MAF: variants seen among roughly 807,000 people sequenced by gnomAD.
MAF encodes the protein transcription factor Maf.
In MAF, 10 loss-of-function variants were observed where a neutral mutation model predicts 22.0. The ratio of observed to expected loss-of-function variants is 0.45; its 90% confidence interval spans 0.28 to 0.77. The LOEUF (loss-of-function observed/expected upper bound fraction) is 0.77. Ranked by LOEUF, MAF falls within the 30% of genes least tolerant of loss-of-function variation. The probability of loss-of-function intolerance (pLI) is 0.12; values close to 1 mark genes in which losing one functional copy is unlikely to be tolerated. For synonymous variants in MAF, 337 were observed against 255.8 expected, an observed-to-expected ratio of 1.32 and a Z score of -3.03; for missense variants, 544 against 548.4, an observed-to-expected ratio of 0.99 and a Z score of 0.08.
the MAF span, among the ~76,000 whole-genome samples, chr16:79,320,700 C>T: frequency 3.3e-5 from 5 of 152,316 alleles, no homozygotes; most frequent in South Asian, 2.1e-4. Context: ...ACTTTTAACA[C>T]TTATCCCATA....
the MAF span, among the ~76,000 whole-genome samples, chr16:79,292,144 C>T: frequency 6.6e-6 from 1 of 152,116 alleles, no homozygotes. Flanking sequence ...AATCGCATCT[C>T]TAAGAAGACA....
At chr16:79,271,251 C>A in the MAF span, among the ~76,000 whole-genome samples, 1 of 152,074 alleles carries the variant, frequency 6.6e-6, no homozygotes, top group Admixed American at 6.6e-5. Context: ...CATGTTAGGG[C>A]CCTAGCTCAC....
At chr16:79,375,315 G>T in the MAF span, among the ~76,000 whole-genome samples, 1 of 152,146 alleles carries the variant, frequency 6.6e-6, no homozygotes, top group South Asian at 2.1e-4. Flanking sequence ...AAATAAGAGA[G>T]AATCCCTCCT....
the MAF span, among the ~76,000 whole-genome samples, chr16:79,264,091 A>G: frequency 3.9e-5 from 6 of 152,334 alleles, no homozygotes; most frequent in Non-Finnish European, 5.9e-5. Flanking sequence ...CAGTCCCATG[A>G]AGATTGAAAT....
the MAF span, among the ~76,000 whole-genome samples, chr16:79,260,308 A>C: frequency 6.6e-6 from 1 of 151,942 alleles, no homozygotes; most frequent in African/African-American, 2.4e-5. Flanking sequence ...GCACCACCAC[A>C]CCTGGCTAAT....
At chr16:79,411,898 A>G in the MAF span, among the ~76,000 whole-genome samples, 88 of 151,430 alleles carry the variant, frequency 5.8e-4, no homozygotes, top group Non-Finnish European at 1.1e-3. Flanking sequence ...CTTTAAAAAC[A>G]TATGTAGTAG....
At chr16:79,269,613 C>A in the MAF span, among the ~76,000 whole-genome samples, 3 of 152,106 alleles carry the variant, frequency 2.0e-5, no homozygotes, top group Non-Finnish European at 4.4e-5. Context: ...TATGGCTGAT[C>A]TGAAACTCCG....
the MAF span, among the ~76,000 whole-genome samples, chr16:79,338,164 C>G: frequency 6.6e-6 from 1 of 152,140 alleles, no homozygotes; most frequent in Non-Finnish European, 1.5e-5. Flanking sequence ...CAGTTTGCAA[C>G]AGTGAAATGC....
At chr16:79,219,467 C>T in the MAF span, among the ~76,000 whole-genome samples, 3 of 141,350 alleles carry the variant, frequency 2.1e-5, no homozygotes, top group Non-Finnish European at 3.0e-5. Context: ...AGGAGAATGG[C>T]GTGAACCCGG....
the MAF span, chr16:79,212,587 T>C: frequency 1.9e-5 from 3 of 161,456 alleles, no homozygotes; most frequent in African/African-American, 7.2e-5. Flanking sequence ...ACAGTCTCAG[T>C]TCTCTTGCTT....
At chr16:79,595,124 G>GA (rs377383083) in intron 1 of MAF, 121,921 of 796,960 alleles carry the variant, frequency 0.15, no homozygotes, top group Non-Finnish European at 0.17. Context: ...TTGTGATGAG[G>GA]AAAAAAAAAA....
the MAF span, among the ~76,000 whole-genome samples, chr16:79,444,640 T>C: frequency 6.6e-6 from 1 of 152,204 alleles, no homozygotes. Context: ...TCAGCATGTT[T>C]AGTGCACCAC....
the MAF span, among the ~76,000 whole-genome samples, chr16:79,482,652 C>A: frequency 6.6e-6 from 1 of 152,124 alleles, no homozygotes; most frequent in Admixed American, 6.5e-5. Context: ...AAGCACGGAG[C>A]ATGCTCACAG....
At chr16:79,261,137 C>T in the MAF span, among the ~76,000 whole-genome samples, 1 of 151,622 alleles carries the variant, frequency 6.6e-6, no homozygotes, top group African/African-American at 2.4e-5. Flanking sequence ...GGTGTCGTGG[C>T]TCCCATGGGT....
At chr16:79,497,825 G>T in the MAF span, among the ~76,000 whole-genome samples, 2 of 152,240 alleles carry the variant, frequency 1.3e-5, no homozygotes, top group African/African-American at 4.8e-5. Context: ...AGAAAGCTCA[G>T]ACTGTGGTGG....
the MAF span, among the ~76,000 whole-genome samples, chr16:79,293,163 G>GGACC: frequency 3.3e-5 from 5 of 151,890 alleles, no homozygotes; most frequent in Admixed American, 1.3e-4. Context: ...GTTTTCTTGC[G>GGACC]TGAGGTCCAA....
the MAF span, among the ~76,000 whole-genome samples, chr16:79,337,828 G>T: frequency 6.6e-6 from 1 of 152,146 alleles, no homozygotes; most frequent in African/African-American, 2.4e-5. Context: ...CACACACAAG[G>T]CTACTATGCC....
At chr16:79,280,008 C>T in the MAF span, among the ~76,000 whole-genome samples, 428 of 152,278 alleles carry the variant, frequency 2.8e-3, no homozygotes, top group Non-Finnish European at 3.8e-3. Flanking sequence ...TTTCTGCTGC[C>T]CCTGTCACAG....
chr16:79,489,171 A>G, the MAF span, among the ~76,000 whole-genome samples: 2 of 151,716 alleles, frequency 1.3e-5, no homozygotes, highest in Non-Finnish European at 2.9e-5. Context: ...ACATCCATCC[A>G]CCTATCCACA....
Sources: gnomAD v4.1 joint callset for allele counts (sites outside exome capture counted in the v4.1 genomes callset) on GRCh38, gnomAD v4.1.1 for gene constraint, MANE v1.5 for transcripts, NCBI Gene and HGNC (gene_info 2026-07-23, HGNC 2026-07-21) for gene names.